TRHDE: variants seen among roughly 807,000 people sequenced by gnomAD.
TRHDE encodes the protein thyrotropin releasing hormone degrading enzyme, also known as thyrotropin-releasing hormone-degrading ectoenzyme.
Under a neutral mutation model 125.7 loss-of-function variants are expected in TRHDE, and 72 were observed. The observed-to-expected ratio is 0.57, with a 90% CI of 0.47 to 0.70. TRHDE has a LOEUF of 0.70. TRHDE is among the 30% of genes least tolerant of loss of function. The pLI is 0.00. For missense variants in TRHDE, 1,110 were observed against 1,327.1 expected (o/e 0.84, Z 2.54); for synonymous variants, 509 against 509.1 (o/e 1.00, Z 0.00).
chr12:72,649,675 C>G (rs1293941183), intron 15 of TRHDE, among the ~76,000 whole-genome samples: 1 of 152,060 alleles, frequency 6.6e-6, no homozygotes, highest in Non-Finnish European at 1.5e-5. Flanking sequence ...ATATAAGACA[C>G]TCCTTCAACT....
At chr12:72,226,806 TG>T in intron 2 of TRHDE, among the ~76,000 whole-genome samples, 1 of 152,296 alleles carries the variant, frequency 6.6e-6, no homozygotes, top group East Asian at 1.9e-4. Context: ...AACTGGCACA[TG>T]GCTGAGAAAC....
intron 2 of TRHDE, among the ~76,000 whole-genome samples, chr12:72,139,664 G>A (rs765044440): frequency 1.9e-4 from 29 of 152,182 alleles, no homozygotes; most frequent in Non-Finnish European, 4.0e-4. Context: ...CAAGTAAGCT[G>A]ACATTGAGAT....
At chr12:72,285,989 A>C (rs549604886) in intron 1 of TRHDE, among the ~76,000 whole-genome samples, 2 of 152,340 alleles carry the variant, frequency 1.3e-5, no homozygotes, top group South Asian at 4.1e-4. Flanking sequence ...CAACTGCTCC[A>C]TGCTAGTCAC....
chr12:72,650,891 C>T (rs1342255919), intron 15 of TRHDE, among the ~76,000 whole-genome samples: 1 of 151,994 alleles, frequency 6.6e-6, no homozygotes, highest in Non-Finnish European at 1.5e-5. Context: ...GGTGGCAATG[C>T]CTTTAGTGAT....
chr12:72,102,498 C>T (rs1270178239), intron 1 of TRHDE, among the ~76,000 whole-genome samples: 1 of 152,136 alleles, frequency 6.6e-6, no homozygotes, highest in African/African-American at 2.4e-5. Flanking sequence ...TTCCATATCC[C>T]AGCTTGACGC....
chr12:72,426,862 T>G (rs910120588), intron 3 of TRHDE, among the ~76,000 whole-genome samples: 3 of 151,726 alleles, frequency 2.0e-5, no homozygotes, highest in African/African-American at 7.2e-5. Flanking sequence ...GTTGTTTTTG[T>G]TTTTTTCTCA....
intron 6 of TRHDE, among the ~76,000 whole-genome samples, chr12:72,524,830 G>A (rs904967684): frequency 2.6e-5 from 4 of 152,044 alleles, no homozygotes; most frequent in East Asian, 1.9e-4. Context: ...AGGAGGCCCC[G>A]CAACACTTTG....
At chr12:72,140,635 C>G (rs1298895120) in intron 2 of TRHDE, among the ~76,000 whole-genome samples, 1 of 152,118 alleles carries the variant, frequency 6.6e-6, no homozygotes, top group East Asian at 1.9e-4. Flanking sequence ...GAGAAATAGT[C>G]TTATTTAATG....
chr12:72,648,063 T>C (rs1874355625), intron 15 of TRHDE, among the ~76,000 whole-genome samples: 1 of 152,096 alleles, frequency 6.6e-6, no homozygotes, highest in African/African-American at 2.4e-5. Flanking sequence ...GACCAGCTGG[T>C]ATTTATCTCT....
chr12:72,350,237 A>G (rs1870520430), intron 2 of TRHDE, among the ~76,000 whole-genome samples: 1 of 151,934 alleles, frequency 6.6e-6, no homozygotes, highest in East Asian at 1.9e-4. Context: ...ACATGCCAGG[A>G]GACAGAGACG....
intron 5 of TRHDE, among the ~76,000 whole-genome samples, chr12:72,488,959 T>C (rs1877535492): frequency 6.6e-6 from 1 of 151,452 alleles, no homozygotes. Context: ...CAAATGACAA[T>C]GAAAACAAAC....
At chr12:72,283,966 A>T (rs1165221469) in intron 1 of TRHDE, among the ~76,000 whole-genome samples, 2 of 96,532 alleles carry the variant, frequency 2.1e-5, no homozygotes, top group East Asian at 9.2e-4. Flanking sequence ...TAAATATGAA[A>T]TTGGTTATAT....
chr12:72,565,945 C>T (rs1312730780), intron 9 of TRHDE, among the ~76,000 whole-genome samples: 3 of 151,826 alleles, frequency 2.0e-5, no homozygotes, highest in Non-Finnish European at 4.4e-5. Context: ...ATCTAATTTC[C>T]TAAGTTATTT....
rs190777153 is a variant in TRHDE, at chr12:72,534,743, A to T, written c.1723-7548A>T. Among the ~76,000 whole-genome samples the T allele has an allele frequency of 2.3e-3, 348 of 152,270 alleles. 2 individuals carry two copies. The highest frequency in any genetic ancestry group is 8.1e-3 in the African/African-American group (336 of 41,562). ...CATTATCATTATTATTAATGGTGGC[A>T]GTATAGCTGTGTGGACTATACTATG... On this transcript the variant is annotated intron_variant, in intron 6 of 18. Transcript: ENST00000261180.
At chr12:72,482,124 C>G (rs1877201216) in intron 5 of TRHDE, among the ~76,000 whole-genome samples, 1 of 151,834 alleles carries the variant, frequency 6.6e-6, no homozygotes, top group Non-Finnish European at 1.5e-5. Flanking sequence ...CTAAAATGAG[C>G]CACTTGTGCT....
chr12:72,264,646 C>T (rs149509809), intron 2 of TRHDE: 1 of 152,022 alleles, frequency 6.6e-6, no homozygotes, highest in African/African-American at 2.4e-5. Context: ...AAAATTGTCT[C>T]ATATGTGAAT....
intron 12 of TRHDE, among the ~76,000 whole-genome samples, chr12:72,600,861 T>C (rs1417239415): frequency 6.6e-6 from 1 of 152,094 alleles, no homozygotes; most frequent in Non-Finnish European, 1.5e-5. Context: ...TTACTGACAA[T>C]GCACCTAGTC....
chr12:72,569,828 T>C (rs1042042628), intron 10 of TRHDE, among the ~76,000 whole-genome samples: 3 of 152,204 alleles, frequency 2.0e-5, no homozygotes, highest in African/African-American at 7.2e-5. Flanking sequence ...AATTGTTTAT[T>C]ATAATCTATT....
chr12:72,399,058 A>G (rs1309170000), intron 3 of TRHDE, among the ~76,000 whole-genome samples: 1 of 152,190 alleles, frequency 6.6e-6, no homozygotes, highest in African/African-American at 2.4e-5. Context: ...TCATAGGAGC[A>G]CAAACCCTAC....
Sources: gnomAD v4.1 joint callset for allele counts (sites outside exome capture counted in the v4.1 genomes callset) on GRCh38, gnomAD v4.1.1 for gene constraint, MANE v1.5 for transcripts, NCBI Gene and HGNC (gene_info 2026-07-23, HGNC 2026-07-21) for gene names.